The following CATSPERT variants were observed in gnomAD, a reference collection of about 807,000 sequenced individuals.
CATSPERT encodes cation channel sperm-associated targeting subunit tau.
chr2:201,492,692 G>A, the CATSPERT span: 8 of 1,534,752 alleles, frequency 5.2e-6, no homozygotes, highest in Non-Finnish European at 7.0e-6. Flanking sequence ...ATGAAATGAT[G>A]ATTGAAATTG....
chr2:201,614,058 G>T, the CATSPERT span, among the ~76,000 whole-genome samples: 36 of 152,294 alleles, frequency 2.4e-4, no homozygotes, highest in African/African-American at 7.9e-4. Context: ...ATGGGACTAC[G>T]TGAAAAGACC....
At chr2:201,562,588 C>T in the CATSPERT span, among the ~76,000 whole-genome samples, 2 of 147,476 alleles carry the variant, frequency 1.4e-5, no homozygotes, top group Non-Finnish European at 3.0e-5. Flanking sequence ...GGTCATAGGA[C>T]AATAGTGGAG....
At chr2:201,519,618 A>G in the CATSPERT span, among the ~76,000 whole-genome samples, 21 of 152,294 alleles carry the variant, frequency 1.4e-4, 1 homozygote, top group South Asian at 4.1e-3. Context: ...AATCAGGGGA[A>G]AAATCATGAT....
the CATSPERT span, among the ~76,000 whole-genome samples, chr2:201,593,388 A>G: frequency 5.3e-5 from 8 of 151,252 alleles, no homozygotes; most frequent in African/African-American, 1.7e-4. Context: ...TGCTGAGGAG[A>G]GCTTTACTTC....
the CATSPERT span, among the ~76,000 whole-genome samples, chr2:201,593,100 C>T: frequency 2.6e-5 from 4 of 151,850 alleles, no homozygotes; most frequent in African/African-American, 9.7e-5. Context: ...ATCTTTCCTG[C>T]TTTCTCTTGT....
At chr2:201,519,922 C>T in the CATSPERT span, among the ~76,000 whole-genome samples, 2 of 123,702 alleles carry the variant, frequency 1.6e-5, no homozygotes, top group African/African-American at 5.3e-5. Flanking sequence ...TATATGTTGC[C>T]TAAAATAGAA....
chr2:201,540,292 C>T, the CATSPERT span, among the ~76,000 whole-genome samples: 1 of 152,222 alleles, frequency 6.6e-6, no homozygotes, highest in East Asian at 1.9e-4. Context: ...ATAAAAGTGA[C>T]TACACTAAAT....
the CATSPERT span, among the ~76,000 whole-genome samples, chr2:201,525,373 A>G: frequency 6.6e-6 from 1 of 152,220 alleles, no homozygotes; most frequent in Non-Finnish European, 1.5e-5. Flanking sequence ...GTAAATAATG[A>G]AATTAAGGCA....
chr2:201,581,936 T>C, the CATSPERT span, among the ~76,000 whole-genome samples: 8 of 151,994 alleles, frequency 5.3e-5, no homozygotes, highest in South Asian at 8.3e-4. Context: ...CCAACTCTTT[T>C]AAAAAATATA....
chr2:201,527,585 T>C, the CATSPERT span, among the ~76,000 whole-genome samples: 1 of 151,866 alleles, frequency 6.6e-6, no homozygotes, highest in African/African-American at 2.4e-5. Flanking sequence ...AACAGAATGG[T>C]GAACCCAGAA....
the CATSPERT span, among the ~76,000 whole-genome samples, chr2:201,571,720 G>A: frequency 2.0e-5 from 3 of 151,764 alleles, no homozygotes; most frequent in African/African-American, 7.3e-5. Context: ...ATCTCCATAC[G>A]TCCTCAACTC....
chr2:201,534,686 TAC>T, the CATSPERT span: 2 of 983,270 alleles, frequency 2.0e-6, no homozygotes, highest in Admixed American at 1.2e-4. Flanking sequence ...TGTAAAGTGG[TAC>T]AGTCTTTCTG....
the CATSPERT span, among the ~76,000 whole-genome samples, chr2:201,585,892 C>T: frequency 1.3e-5 from 2 of 152,100 alleles, no homozygotes; most frequent in Admixed American, 6.6e-5. Context: ...CGTCCACTTA[C>T]ACATGGTTTT....
chr2:201,562,698 T>C, the CATSPERT span, among the ~76,000 whole-genome samples: 1 of 143,606 alleles, frequency 7.0e-6, no homozygotes, highest in African/African-American at 2.6e-5. Flanking sequence ...GTACTTGAGA[T>C]TAGGGAGTGG....
At chr2:201,518,667 A>C in the CATSPERT span, among the ~76,000 whole-genome samples, 1 of 152,346 alleles carries the variant, frequency 6.6e-6, no homozygotes, top group East Asian at 1.9e-4. Context: ...AGTAAGTCGC[A>C]ATGTTTGGAA....
the CATSPERT span, among the ~76,000 whole-genome samples, chr2:201,573,880 C>T: frequency 1.3e-5 from 2 of 152,300 alleles, no homozygotes; most frequent in South Asian, 4.1e-4. Flanking sequence ...TGGTCTCGAA[C>T]TCCCAGCCTC....
chr2:201,490,149 G>A, the CATSPERT span, among the ~76,000 whole-genome samples: 7 of 152,176 alleles, frequency 4.6e-5, no homozygotes, highest in East Asian at 1.9e-4. Context: ...GAGCCACCGC[G>A]CCTGGCCTCC....
At chr2:201,588,863 T>C in the CATSPERT span, among the ~76,000 whole-genome samples, 6 of 152,082 alleles carry the variant, frequency 3.9e-5, no homozygotes, top group Non-Finnish European at 8.8e-5. Flanking sequence ...CAAAACCCCA[T>C]AGTCTCACCC....
chr2:201,515,032 C>T, the CATSPERT span, among the ~76,000 whole-genome samples: 4 of 151,924 alleles, frequency 2.6e-5, no homozygotes, highest in African/African-American at 9.7e-5. Flanking sequence ...CTAGCAAGGC[C>T]TGTTGGTTTA....
Sources: gnomAD v4.1 joint callset for allele counts (sites outside exome capture counted in the v4.1 genomes callset) on GRCh38, gnomAD v4.1.1 for gene constraint, MANE v1.5 for transcripts, NCBI Gene and HGNC (gene_info 2026-07-23, HGNC 2026-07-21) for gene names.